The following CTNNA2 variants were observed in gnomAD, a reference collection of about 807,000 sequenced individuals.
CTNNA2 encodes catenin alpha-2.
Under a neutral mutation model 101.0 loss-of-function variants are expected in CTNNA2, and 42 were observed. That is an observed-to-expected ratio of 0.42 (90% confidence interval 0.32 to 0.54). The LOEUF (loss-of-function observed/expected upper bound fraction) is 0.54, where lower values mean the gene tolerates loss of function less well. Ranked by LOEUF, CTNNA2 falls within the 20% of genes least tolerant of loss-of-function variation. CTNNA2 has a pLI of 0.14. For missense variants in CTNNA2, 871 were observed against 1,223.1 expected (o/e 0.71, Z 4.29); for synonymous variants, 450 against 456.4 (o/e 0.99, Z 0.18).
chr2:79,583,054 T>TATTA, intron 1 of CTNNA2, among the ~76,000 whole-genome samples: 1 of 152,212 alleles, frequency 6.6e-6, no homozygotes, highest in East Asian at 1.9e-4. Context: ...TGTTATTGTA[T>TATTA]ATTAGTAGCT....
At chr2:79,726,999 G>A (rs912955429) in intron 2 of CTNNA2, among the ~76,000 whole-genome samples, 5 of 152,180 alleles carry the variant, frequency 3.3e-5, no homozygotes, top group South Asian at 2.1e-4. Context: ...AATGAAAACC[G>A]GAAGTGACTA....
At chr2:79,454,207 T>C (rs1450142222) in intron 4 of CTNNA2, among the ~76,000 whole-genome samples, 1 of 152,182 alleles carries the variant, frequency 6.6e-6, no homozygotes, top group Non-Finnish European at 1.5e-5. Flanking sequence ...ATTTCTCCCA[T>C]TTTTCAGTTT....
rs191970397 is a variant in CTNNA2, at chr2:79,619,265, T to C, written c.-5-32287T>C. Among the ~76,000 whole-genome samples the C allele has an allele frequency of 1.3e-3, 192 of 152,320 alleles. 2 individuals are homozygous for C. The highest frequency in any genetic ancestry group is 4.2e-3 in the African/African-American group (176 of 41,586). On this transcript the variant is annotated intron_variant, in intron 1 of 18. Transcript: ENST00000402739. ...AGTTTTGAGAAGAATGAGCATATTCTATCCTTATGTGGTGGTGGGAAAAGA... is the reference window on the plus strand; with the variant it reads ...AGTTTTGAGAAGAATGAGCATATTCCATCCTTATGTGGTGGTGGGAAAAGA...
intron 7 of CTNNA2, among the ~76,000 whole-genome samples, chr2:80,370,221 C>T (rs189249355): frequency 4.6e-5 from 7 of 151,130 alleles, no homozygotes; most frequent in Admixed American, 1.3e-4. Flanking sequence ...CCTATTTCAG[C>T]GAAAAAATAT....
At chr2:79,324,282 C>T (rs1676692822) in intron 3 of CTNNA2, among the ~76,000 whole-genome samples, 1 of 152,276 alleles carries the variant, frequency 6.6e-6, no homozygotes, top group African/African-American at 2.4e-5. Context: ...GTATGCATGG[C>T]AAGCAGGGTG....
At chr2:79,900,570 C>T (rs141346745) in intron 6 of CTNNA2, among the ~76,000 whole-genome samples, 15 of 152,262 alleles carry the variant, frequency 9.9e-5, no homozygotes, top group East Asian at 3.9e-4. Context: ...CCTATGGCAT[C>T]GGTACCTGCG....
chr2:80,641,696 A>T (rs938854807), intron 18 of CTNNA2, among the ~76,000 whole-genome samples: 3 of 152,150 alleles, frequency 2.0e-5, no homozygotes, highest in East Asian at 1.9e-4. Context: ...TTACTTAACT[A>T]TTCCCTACTT....
chr2:79,241,983 G>A, intron 2 of CTNNA2, among the ~76,000 whole-genome samples: 1 of 151,860 alleles, frequency 6.6e-6, no homozygotes, highest in Non-Finnish European at 1.5e-5. Context: ...TCCGCTCACT[G>A]CAAGCTCCAC....
intron 1 of CTNNA2, among the ~76,000 whole-genome samples, chr2:79,590,820 G>A (rs1456548475): frequency 3.3e-5 from 5 of 152,112 alleles, no homozygotes; most frequent in Non-Finnish European, 7.4e-5. Context: ...TGTTTTATCT[G>A]AAAAGCAAAT....
intron 9 of CTNNA2, among the ~76,000 whole-genome samples, chr2:80,524,777 C>A (rs1045560835): frequency 1.3e-5 from 2 of 152,132 alleles, no homozygotes; most frequent in African/African-American, 4.8e-5. Flanking sequence ...CTCATACATG[C>A]TCTCTCACAC....
At chr2:79,794,357 C>T (rs1358447399) in intron 3 of CTNNA2, among the ~76,000 whole-genome samples, 1 of 152,048 alleles carries the variant, frequency 6.6e-6, no homozygotes, top group Non-Finnish European at 1.5e-5. Context: ...ACAGCAATTA[C>T]TTTTGAAGAT....
intron 1 of CTNNA2, among the ~76,000 whole-genome samples, chr2:79,624,328 A>G (rs1351682004): frequency 6.8e-6 from 1 of 146,192 alleles, no homozygotes; most frequent in African/African-American, 2.8e-5. Context: ...TTTGAATTTC[A>G]TTAGGCTTTT....
intron 7 of CTNNA2, among the ~76,000 whole-genome samples, chr2:80,069,013 GACTA>G (rs1163497286): frequency 6.6e-6 from 1 of 152,192 alleles, no homozygotes; most frequent in Middle Eastern, 3.2e-3. Context: ...GATTTATTAT[GACTA>G]ACTATTATAT....
intron 3 of CTNNA2, among the ~76,000 whole-genome samples, chr2:79,831,868 A>G (rs1259659126): frequency 6.6e-6 from 1 of 151,994 alleles, no homozygotes; most frequent in Non-Finnish European, 1.5e-5. Flanking sequence ...AATCGTTACA[A>G]ATAATCCAGT....
chr2:80,351,344 AC>A (rs1362424211), intron 7 of CTNNA2, among the ~76,000 whole-genome samples: 1 of 152,088 alleles, frequency 6.6e-6, no homozygotes, highest in Non-Finnish European at 1.5e-5. Context: ...CAGGGGAAGA[AC>A]TCCATGCCTC....
chr2:79,212,637 T>A (rs140644581), intron 2 of CTNNA2, among the ~76,000 whole-genome samples: 2,855 of 152,218 alleles, frequency 0.019, 135 homozygotes, highest in East Asian at 0.15. Context: ...ACTATCGGAC[T>A]GCGTAGAGGT....
chr2:79,698,105 A>G (rs896842835), intron 2 of CTNNA2, among the ~76,000 whole-genome samples: 1 of 152,082 alleles, frequency 6.6e-6, no homozygotes, highest in Non-Finnish European at 1.5e-5. Context: ...GTGCTGTGAT[A>G]ACATATATGT....
intron 4 of CTNNA2, among the ~76,000 whole-genome samples, chr2:79,423,496 C>CA (rs1470686755): frequency 1.3e-5 from 2 of 152,106 alleles, no homozygotes; most frequent in East Asian, 1.9e-4. Flanking sequence ...AATACATACA[C>CA]AAAAAAATCC....
chr2:80,552,762 T>G (rs1692686831), intron 11 of CTNNA2, among the ~76,000 whole-genome samples: 1 of 152,188 alleles, frequency 6.6e-6, no homozygotes. Context: ...TGGAATACAA[T>G]AGTAAGTTTT....
Sources: allele counts gnomAD v4.1 joint callset (sites outside exome capture counted in the v4.1 genomes callset), GRCh38; gene constraint gnomAD v4.1.1; transcripts MANE v1.5; gene names NCBI Gene and HGNC (gene_info 2026-07-23, HGNC 2026-07-21).